The following ACVR1B variants were observed in gnomAD, a reference collection of about 807,000 sequenced individuals.
ACVR1B encodes activin receptor type-1B.
Under a neutral mutation model 55.6 loss-of-function variants are expected in ACVR1B, and 15 were observed. The observed-to-expected ratio is 0.27, with a 90% CI of 0.18 to 0.42. The LOEUF is 0.42. Ranked by LOEUF, ACVR1B falls within the 10% of genes least tolerant of loss-of-function variation. The pLI, the probability that ACVR1B is intolerant of heterozygous loss-of-function variation, is 1.00. For synonymous variants in ACVR1B, 247 were observed against 254.6 expected (o/e 0.97, Z 0.28); for missense variants, 359 against 670.1 (o/e 0.54, Z 5.13).
intron 1 of ACVR1B, among the ~76,000 whole-genome samples, chr12:51,962,910 G>A (rs989933615): frequency 1.1e-4 from 17 of 152,284 alleles, no homozygotes; most frequent in African/African-American, 4.1e-4. Flanking sequence ...TATTTGCCAG[G>A]TGCTGTACTA....
At position 51,951,802 on chromosome 12, in the gene ACVR1B, G is replaced by T; in HGVS notation, c.59G>T (p.Gly20Val). The change falls in exon 1 of 9, where the codon GGC becomes GTC. Residue 20 changes from glycine (G) to valine (V), a missense_variant. By Grantham distance (109) the Gly-to-Val change is moderately radical. Coordinates refer to ENST00000257963, the MANE Select transcript of ACVR1B (RefSeq NM_004302.5). ...CCCCTTGTTGTCCTCCTGCTCGCCG[G>T]CAGCGGCGGGTCCGGGCCCCGGGGG... The part of the protein sequence containing the change: ...FFPLVVLLLA[G>V]SGGSGPRGVQ... The T allele has an allele frequency of 1.6e-6, 2 of 1,284,088 alleles. No homozygotes were observed. Among genetic ancestry groups the T allele is most frequent in the Non-Finnish European group, 2.0e-6 (2 of 1,006,820 alleles). The allele number at this position is 1,284,088 out of a possible 1,614,324, so 79.5% of individuals were successfully genotyped here.
In ACVR1B at chr12:51,990,303, A is replaced by C. The variant is rs1239549691; in HGVS notation, c.1262-1560A>C. ...AGTGAAACTCACACACACACACACAAATTTAGTGCTTTTTTTTTTTTTTTT... is the reference window on the plus strand; with the variant it reads ...AGTGAAACTCACACACACACACACACATTTAGTGCTTTTTTTTTTTTTTTT... On this transcript the variant is annotated intron_variant, in intron 7 of 8. Transcript: ENST00000257963. Among the ~76,000 whole-genome samples, 9 of 141,430 alleles carry C rather than the reference A, an allele frequency of 6.4e-5. No individual in the cohort carries two copies. In the Admixed American group the frequency reaches 6.7e-4, roughly 11 times the overall value. The allele number at this position is 141,430 out of a possible 152,430, so 92.8% of individuals were successfully genotyped here.
intron 1 of ACVR1B, among the ~76,000 whole-genome samples, chr12:51,963,367 T>G (rs769941680): frequency 7.2e-5 from 11 of 152,080 alleles, no homozygotes; most frequent in Non-Finnish European, 1.3e-4. Flanking sequence ...GTCTCAACCT[T>G]CTGAGTAGCT....
At chr12:51,956,071 A>ATCTT (rs1941403411) in intron 1 of ACVR1B, among the ~76,000 whole-genome samples, 1 of 152,234 alleles carries the variant, frequency 6.6e-6, no homozygotes, top group Admixed American at 6.5e-5. Context: ...TTCAGAGAGT[A>ATCTT]TCTTTCTTTC....
At chr12:51,960,233 A>C (rs1941491978) in intron 1 of ACVR1B, 1 of 152,260 alleles carries the variant, frequency 6.6e-6, no homozygotes, top group Admixed American at 6.5e-5. Context: ...TAGCCTGGGC[A>C]ATATAGTGAG....
At chr12:51,984,624 G>A (rs1448830020) in intron 5 of ACVR1B, among the ~76,000 whole-genome samples, 1 of 152,234 alleles carries the variant, frequency 6.6e-6, no homozygotes, top group Non-Finnish European at 1.5e-5. Flanking sequence ...TTTTCCTGGA[G>A]GAAGAAGACC....
rs1270896146 is a variant in ACVR1B at position 51,994,205 on chromosome 12, C to T, written c.*95C>T. 11 of 1,537,298 alleles carry T rather than the reference C, an allele frequency of 7.2e-6. No individual in the cohort carries two copies. In the Admixed American group the frequency reaches 1.4e-4, roughly 20 times the overall value. On this transcript the variant is annotated 3_prime_UTR_variant, in exon 9 of 9. Coordinates refer to ENST00000257963, the MANE Select transcript of ACVR1B (RefSeq NM_004302.5). This position sits in a 1 kb window ranked among gnomAD's most constrained non-coding sequence, Gnocchi z 4.2. Reference sequence around the variant, plus strand: ...TGGAGGCCTACCTCTCGTTTCTGCCCAGCCCTCTGTGGCCAGGAGCCCTGG... The same window carrying T: ...TGGAGGCCTACCTCTCGTTTCTGCCTAGCCCTCTGTGGCCAGGAGCCCTGG...
intron 3 of ACVR1B, among the ~76,000 whole-genome samples, chr12:51,978,078 G>A (rs776839375): frequency 2.6e-5 from 4 of 151,984 alleles, no homozygotes; most frequent in African/African-American, 9.7e-5. Context: ...CTGAATTTCA[G>A]TGGCTTTGCT....
chr12:51,983,467 G>T lies in ACVR1B; in HGVS notation c.812-532G>T, dbSNP rs193157167. Among the ~76,000 whole-genome samples the T allele has an allele frequency of 1.6e-4, 25 of 152,298 alleles. 1 individual carries two copies. In the East Asian group the frequency reaches 4.8e-3, roughly 29 times the overall value. On this transcript the variant is annotated intron_variant, in intron 4 of 8. Coordinates refer to ENST00000257963, the MANE Select transcript of ACVR1B (RefSeq NM_004302.5). Reference sequence around the variant, plus strand: ...CTACTCACAGAGATATCATAGCCTGGTAAGAACAACAGACTGAAAAGAAAC... The same window carrying T: ...CTACTCACAGAGATATCATAGCCTGTTAAGAACAACAGACTGAAAAGAAAC...
At chr12:51,962,285 C>G (rs991288562) in intron 1 of ACVR1B, among the ~76,000 whole-genome samples, 6 of 152,060 alleles carry the variant, frequency 3.9e-5, no homozygotes, top group Non-Finnish European at 5.9e-5. Context: ...TTTCTCCCCA[C>G]CCCCCACCAT....
Position 51,995,355 on chromosome 12 carries a change from GTC to G in ACVR1B, c.*1247_*1248del, listed in dbSNP as rs1185050204. 3.3e-5 allele frequency: 5 copies of G among 152,238 alleles called. No individual in the cohort carries two copies. Among genetic ancestry groups the G allele is most frequent in the Non-Finnish European group, 5.9e-5 (4 of 68,036 alleles). The allele number at this position is 152,238 out of a possible 1,614,324, so 9.4% of individuals were successfully genotyped here. The stretch of plus-strand genomic sequence containing the variant: ...TGCATGGGTCTTCTTTTACTGGACT[GTC>G]TGATCAGGGTGGAGGGAAGGTGAGA... On this transcript the variant is annotated 3_prime_UTR_variant, in exon 9 of 9. Coordinates refer to ENST00000257963, the MANE Select transcript of ACVR1B (RefSeq NM_004302.5).
At chr12:51,971,984 T>G (rs1376906846) in intron 1 of ACVR1B, among the ~76,000 whole-genome samples, 2 of 152,224 alleles carry the variant, frequency 1.3e-5, no homozygotes, top group African/African-American at 2.4e-5. Context: ...TACTGAAACT[T>G]GCCACTTCCT....
At chr12:51,984,981 T>C (rs1012217502) in intron 5 of ACVR1B, among the ~76,000 whole-genome samples, 3 of 152,238 alleles carry the variant, frequency 2.0e-5, no homozygotes, top group African/African-American at 7.2e-5. Flanking sequence ...TGAATGCATT[T>C]AATCCTCACA....
chr12:51,991,490 C>T (rs1489111612), intron 7 of ACVR1B, among the ~76,000 whole-genome samples: 1 of 152,240 alleles, frequency 6.6e-6, no homozygotes, highest in Non-Finnish European at 1.5e-5. Flanking sequence ...CAACCTCTGC[C>T]TCCAGGGTTC....
chr12:51,988,821 T>C (rs1592261581), intron 7 of ACVR1B, among the ~76,000 whole-genome samples: 2 of 152,306 alleles, frequency 1.3e-5, no homozygotes, highest in East Asian at 3.9e-4. Context: ...CAATTCTCTA[T>C]TTAAAAATAT....
At chr12:51,988,739 C>T (rs1418698936) in intron 7 of ACVR1B, among the ~76,000 whole-genome samples, 2 of 152,100 alleles carry the variant, frequency 1.3e-5, no homozygotes, top group African/African-American at 2.4e-5. Flanking sequence ...TTTTAGTAAA[C>T]AAGGGTTCAG....
chr12:51,965,714 T>C (rs1037937211), intron 1 of ACVR1B, among the ~76,000 whole-genome samples: 2 of 152,164 alleles, frequency 1.3e-5, no homozygotes, highest in Admixed American at 1.3e-4. Flanking sequence ...ACTGGGATAA[T>C]GAGCTTGGAG....
At chr12:51,956,503 C>T (rs1464696652) in intron 1 of ACVR1B, among the ~76,000 whole-genome samples, 2 of 152,148 alleles carry the variant, frequency 1.3e-5, no homozygotes, top group Non-Finnish European at 2.9e-5. Context: ...TCCATGAGTG[C>T]TGTGAAGAAA....
Position 51,994,167 on chromosome 12 carries a change from G to A in ACVR1B, c.*57G>A, listed in dbSNP as rs1042612134. 3.3e-5 allele frequency: 52 copies of A among 1,597,374 alleles called. No individual in the cohort carries two copies. The Admixed American group carries it at 6.6e-4, about 20-fold the overall frequency. On this transcript the variant is annotated 3_prime_UTR_variant, in exon 9 of 9. Coordinates refer to ENST00000257963, the MANE Select transcript of ACVR1B (RefSeq NM_004302.5). The surrounding 1 kb of genome is among the most constrained non-coding windows in gnomAD (Gnocchi z 4.2). ...AGCGAGAACTACGCACAGCTGCCGC[G>A]TTGAGCGTACGATGGAGGCCTACCT... is the stretch of plus-strand genomic sequence containing the variant.
Sources: allele counts gnomAD v4.1 joint callset (sites outside exome capture counted in the v4.1 genomes callset), GRCh38; gene constraint gnomAD v4.1.1; non-coding constraint Gnocchi (gnomAD v3.1); transcripts MANE v1.5; gene names NCBI Gene and HGNC (gene_info 2026-07-23, HGNC 2026-07-21).